The following CNOT10 variants were observed in gnomAD, a reference collection of about 807,000 sequenced individuals.
CNOT10 encodes CCR4-NOT transcription complex subunit 10.
Under a neutral mutation model 94.6 loss-of-function variants are expected in CNOT10, and 30 were observed. That is an observed-to-expected ratio of 0.32 (90% CI 0.24 to 0.43). CNOT10 has a LOEUF of 0.43. Among genes scored for constraint, CNOT10 ranks in the 20% least tolerant of loss-of-function variants. CNOT10 has a pLI of 1.00. For synonymous variants in CNOT10, 289 were observed against 301.6 expected, an observed-to-expected ratio of 0.96 and a Z score of 0.43; for missense variants, 759 against 877.2, an observed-to-expected ratio of 0.87 and a Z score of 1.70.
chr3:32,746,531 A>G (rs1699707215), intron 13 of CNOT10, among the ~76,000 whole-genome samples: 1 of 152,102 alleles, frequency 6.6e-6, no homozygotes, highest in South Asian at 2.1e-4. Flanking sequence ...TTGCAGGCGC[A>G]GTTCACGATA....
At chr3:32,708,583 A>G (rs1047339707) in intron 3 of CNOT10, 87 bp from the exon 4 acceptor site, 68 of 1,116,560 alleles carry the variant, frequency 6.1e-5, no homozygotes, top group South Asian at 3.4e-4. Context: ...ATGTTGGCCT[A>G]TGTTCCTTTT....
At chr3:32,719,945 A>G (rs73059833) in intron 7 of CNOT10, among the ~76,000 whole-genome samples, 169 bp from the exon 8 acceptor site, 20,106 of 152,118 alleles carry the variant, frequency 0.13, 1,449 homozygotes, top group South Asian at 0.19. Flanking sequence ...ACAAGTTTCA[A>G]TTTTTTTGAT....
At chr3:32,722,933 C>T (rs1460066465) in intron 8 of CNOT10, among the ~76,000 whole-genome samples, 1 of 152,046 alleles carries the variant, frequency 6.6e-6, no homozygotes, top group Non-Finnish European at 1.5e-5. Context: ...TCTAGTTTTC[C>T]TCTTTTAAAT....
intron 13 of CNOT10, among the ~76,000 whole-genome samples, chr3:32,747,599 A>G (rs910783625): frequency 6.6e-6 from 1 of 151,322 alleles, no homozygotes; most frequent in Middle Eastern, 3.4e-3. Flanking sequence ...TCACTACACC[A>G]CACACAAACT....
rs1159387212 is a variant in CNOT10, at chr3:32,713,445, AAAG to A, written c.573+79_573+81del. The A allele has an allele frequency of 3.4e-6, 4 of 1,167,246 alleles. No individual in the cohort carries two copies. In the African/African-American group the frequency reaches 4.8e-5, roughly 14 times the overall value. The allele number at this position is 1,167,246 out of a possible 1,614,324, so 72.3% of individuals were successfully genotyped here. On this transcript the variant is annotated intron_variant, in intron 5 of 18. Transcript: ENST00000328834. ...TCTACTTGTTGGTTTACTGGATTAA[AAAG>A]AAAGCAATTAAAATATGATTAATGT...
chr3:32,760,338 G>A (rs183493693), intron 14 of CNOT10, among the ~76,000 whole-genome samples: 11 of 151,594 alleles, frequency 7.3e-5, no homozygotes, highest in Non-Finnish European at 1.5e-4. Flanking sequence ...TACCAAAATT[G>A]AGTAAAATAC....
intron 1 of CNOT10, among the ~76,000 whole-genome samples, chr3:32,696,390 A>G (rs1302855682): frequency 6.6e-6 from 1 of 152,112 alleles, no homozygotes; most frequent in Non-Finnish European, 1.5e-5. Context: ...ACTGGGCTCA[A>G]GCAATCTTCC....
chr3:32,737,993 C>T (rs914329513), intron 13 of CNOT10, among the ~76,000 whole-genome samples: 1 of 152,024 alleles, frequency 6.6e-6, no homozygotes, highest in Non-Finnish European at 1.5e-5. Flanking sequence ...CTTCTATATC[C>T]GTGAGGAAGA....
At chr3:32,735,029 G>T in intron 12 of CNOT10, 53 bp downstream of exon 12, 1 of 1,459,172 alleles carries the variant, frequency 6.9e-7, no homozygotes, top group Non-Finnish European at 9.4e-7. Flanking sequence ...GACTTCTTTA[G>T]TAAACCCTTT....
At chr3:32,729,118 G>A (rs1474669109) in intron 10 of CNOT10, among the ~76,000 whole-genome samples, 1 of 152,120 alleles carries the variant, frequency 6.6e-6, no homozygotes, top group Non-Finnish European at 1.5e-5. Context: ...ATAACATAAT[G>A]TGGAAAGAGC....
intron 11 of CNOT10, among the ~76,000 whole-genome samples, chr3:32,734,062 C>T (rs1290285603): frequency 1.3e-5 from 2 of 152,126 alleles, no homozygotes; most frequent in African/African-American, 2.4e-5. Context: ...AAATAATTAG[C>T]TGCCTTAATT....
At chr3:32,754,545 A>T (rs1449219598) in intron 13 of CNOT10, among the ~76,000 whole-genome samples, 1 of 85,688 alleles carries the variant, frequency 1.2e-5, no homozygotes, top group Non-Finnish European at 2.1e-5. Flanking sequence ...TTTGAGACGG[A>T]GTCTTGCTCT....
chr3:32,745,294 G>GT (rs199910892), intron 13 of CNOT10, among the ~76,000 whole-genome samples: 7 of 151,578 alleles, frequency 4.6e-5, no homozygotes, highest in African/African-American at 1.5e-4. Flanking sequence ...AATTATTGTA[G>GT]TTTTTTTTAT....
chr3:32,771,502 A>T lies in CNOT10; in HGVS notation c.2080+1540A>T, dbSNP rs955985863. 3.3e-5 allele frequency among the ~76,000 whole-genome samples: 5 copies of T among 152,098 alleles called. 1 individual carries two copies. The highest frequency in any genetic ancestry group is 2.6e-4 in the Admixed American group (4 of 15,262). On this transcript the variant is annotated intron_variant, in intron 18 of 18. Transcript: ENST00000328834. ...TGTAATCCAGGTACTTAGGAGGCTG[A>T]AGCAGGAGAATCGCTTGAGCCTGGG...
chr3:32,693,778 G>A (rs916661938), intron 1 of CNOT10, among the ~76,000 whole-genome samples: 1 of 152,238 alleles, frequency 6.6e-6, no homozygotes, highest in East Asian at 1.9e-4. Flanking sequence ...TTGAGCTCAA[G>A]CCATCCTCCC....
chr3:32,736,989 G>A (rs1277316227), intron 12 of CNOT10, among the ~76,000 whole-genome samples: 1 of 152,062 alleles, frequency 6.6e-6, no homozygotes, highest in South Asian at 2.1e-4. Context: ...TATTTCCATT[G>A]TTTAACTCTT....
At chr3:32,735,038 T>G in intron 12 of CNOT10, 62 bp downstream of exon 12, 1 of 1,379,316 alleles carries the variant, frequency 7.2e-7, no homozygotes, top group East Asian at 2.3e-5. Context: ...AGTAAACCCT[T>G]TGTTCTTTAA....
chr3:32,693,026 A>G (rs887012601), intron 1 of CNOT10, among the ~76,000 whole-genome samples: 2 of 152,198 alleles, frequency 1.3e-5, no homozygotes, highest in Non-Finnish European at 2.9e-5. Flanking sequence ...CCTGGGCTAC[A>G]AAGTGAGACC....
rs763211063 is a variant in CNOT10 at position 32,733,426 on chromosome 3, T to G, written c.1219T>G (p.Ser407Ala). 5 of 1,582,298 alleles carry G rather than the reference T, an allele frequency of 3.2e-6. No homozygotes were observed. In the African/African-American group the frequency reaches 6.8e-5, roughly 21 times the overall value. The stretch of plus-strand genomic sequence containing the variant: ...GGAAATTATTTGTATTTTGTAGACT[T>G]CTGAACAAGAAACTAAAGGCCTTCC... Reference protein sequence around the residue: ...ECCIAANKGTSEQETKGLPSK... With the variant: ...ECCIAANKGTAEQETKGLPSK... The change falls in exon 11 of 19, where the codon TCT becomes GCT. Residue 407 changes from serine (S) to alanine (A), a missense_variant. Around this residue, in one of 3 missense-constraint regions of CNOT10, gnomAD observed 682 missense variants for 799.4 expected, o/e 0.85. Transcript: ENST00000328834.
Sources: gnomAD v4.1 joint callset for allele counts (sites outside exome capture counted in the v4.1 genomes callset) on GRCh38, gnomAD v4.1.1 for gene constraint, gnomAD v4.1.1 regional missense constraint, MANE v1.5 for transcripts, NCBI Gene and HGNC (gene_info 2026-07-23, HGNC 2026-07-21) for gene names.